Variants in UPF2 observed in about 807,000 individuals in gnomAD.
The protein encoded by UPF2 is UPF2 regulator of nonsense mediated mRNA decay, also known as regulator of nonsense transcripts 2.
A neutral mutation model predicts 141.4 loss-of-function variants in UPF2; 17 were observed. The ratio of observed to expected loss-of-function variants is 0.12; its 90% CI spans 0.08 to 0.18. The LOEUF is 0.18. Among genes scored for constraint, UPF2 ranks in the 10% least tolerant of loss-of-function variants. The pLI is 1.00. For synonymous variants in UPF2, 540 were observed against 498.0 expected (o/e 1.08, Z -1.12); for missense variants, 1,152 against 1,515.9 (o/e 0.76, Z 3.99).
chr10:11,984,104 G>A (rs1272830672), intron 8 of UPF2, among the ~76,000 whole-genome samples: 2 of 152,004 alleles, frequency 1.3e-5, no homozygotes, highest in Non-Finnish European at 2.9e-5. Flanking sequence ...TGTATTTTTA[G>A]TAGAGACGGG....
Position 11,938,842 on chromosome 10 carries a change from G to GTTTT in UPF2, c.3379-2134_3379-2131dup, listed in dbSNP as rs1204744093. Among the ~76,000 whole-genome samples, 95 of 45,846 alleles carry GTTTT rather than the reference G, an allele frequency of 2.1e-3. 3 individuals carry two copies. Among genetic ancestry groups the GTTTT allele is most frequent in the African/African-American group, 3.9e-3 (56 of 14,226 alleles). The allele number at this position is 45,846 out of a possible 152,430, so 30.1% of individuals were successfully genotyped here. A position where few individuals can be genotyped will look rare whatever the true frequency, so the allele number is the denominator to read the frequency against. Reference sequence around the variant, plus strand: ...GTCCTAGCCATGTGGTCTTAAGCAAGTTTTTTTTTTGTTTTTTTTTTTTTT... The same window carrying GTTTT: ...GTCCTAGCCATGTGGTCTTAAGCAAGTTTTTTTTTTTTTTGTTTTTTTTTTTTTT... On this transcript the variant is annotated intron_variant, in intron 18 of 21. Transcript: ENST00000357604.
At chr10:11,955,788 T>C (rs1006560885) in intron 13 of UPF2, among the ~76,000 whole-genome samples, 3 of 152,206 alleles carry the variant, frequency 2.0e-5, no homozygotes, top group Non-Finnish European at 2.9e-5. Flanking sequence ...ATTCTACCCT[T>C]AACCTATTTT....
chr10:12,026,655 T>C (rs1834425186), intron 3 of UPF2: 1 of 453,018 alleles, frequency 2.2e-6, no homozygotes, highest in African/African-American at 2.0e-5. Flanking sequence ...ACTTTTTTTT[T>C]TTTTTTTTTT....
chr10:11,942,961 A>T, intron 17 of UPF2, 103 bp downstream of exon 17: 1 of 993,886 alleles, frequency 1.0e-6, no homozygotes. Flanking sequence ...CTAAAGAAAT[A>T]TTTTTCATAA....
intron 12 of UPF2, among the ~76,000 whole-genome samples, chr10:11,957,047 C>T (rs1285766673): frequency 6.6e-6 from 1 of 152,160 alleles, no homozygotes; most frequent in Admixed American, 6.5e-5. Context: ...CCTCCAACGC[C>T]GACGTCAAGT....
intron 2 of UPF2, among the ~76,000 whole-genome samples, chr10:12,034,318 T>C (rs1450698243): frequency 6.6e-6 from 1 of 151,450 alleles, no homozygotes; most frequent in Non-Finnish European, 1.5e-5. Context: ...GTTTTTATTT[T>C]ATTATTTTAT....
chr10:11,954,643 A>AATATATATATAT (rs1554775869), intron 14 of UPF2, among the ~76,000 whole-genome samples: 1 of 128,344 alleles, frequency 7.8e-6, no homozygotes, highest in Non-Finnish European at 1.7e-5. Context: ...CAAAAAAAAA[A>AATATATATATAT]ATATATATAT....
Position 11,959,310 on chromosome 10 carries a change from T to C in UPF2, c.2231A>G (p.Tyr744Cys). 6.3e-7 allele frequency: 1 copy of C among 1,597,354 alleles called. No individual in the cohort carries two copies. ...KKQAMHLDAR[Y>C]VTMVENAYYY... The stretch of plus-strand genomic sequence containing the variant: ...ATATGCATTCTCTACCATTGTGACG[T>C]ATCTCGCATCAAGATGCATTGCTTG... Residue 744 changes from tyrosine to cysteine, a missense_variant, in exon 12 of 22, where the codon TAC (tyrosine) becomes TGC (cysteine). By Grantham distance (194) the Tyr-to-Cys change is radical. Around this residue, in one of 4 missense-constraint regions of UPF2, gnomAD observed 739 missense variants for 1,032.2 expected, o/e 0.72. Coordinates refer to ENST00000357604, the MANE Select transcript of UPF2 (RefSeq NM_015542.4). This position sits in a 1 kb window ranked among gnomAD's most constrained non-coding sequence, Gnocchi z 5.9.
chr10:11,985,404 G>C (rs141250484), intron 8 of UPF2, among the ~76,000 whole-genome samples: 2,777 of 152,230 alleles, frequency 0.018, 40 homozygotes, highest in Non-Finnish European at 0.03. Flanking sequence ...TTGGGAGGCA[G>C]AGGCTGGCGG....
At position 11,989,729 on chromosome 10, in the gene UPF2, C is replaced by T. The variant is rs146216856; in HGVS notation, c.1844+7943G>A. Among the ~76,000 whole-genome samples the T allele has an allele frequency of 1.5e-3, 234 of 152,282 alleles. 1 individual carries two copies. The highest frequency in any genetic ancestry group is 5.2e-3 in the African/African-American group (216 of 41,560). On this transcript the variant is annotated intron_variant, in intron 8 of 21. Transcript: ENST00000357604. ...GTTGTCCTAGACAATGAGCTAAGAA[C>T]AAAAATGACTTGGCACTTCTTGTCC...
At chr10:11,922,896 T>C (rs1832663589) in intron 21 of UPF2, among the ~76,000 whole-genome samples, 3 of 152,110 alleles carry the variant, frequency 2.0e-5, no homozygotes, top group Middle Eastern at 3.4e-3. Flanking sequence ...AAATTAGCCA[T>C]TTGTAGTGGT....
intron 13 of UPF2, among the ~76,000 whole-genome samples, chr10:11,955,737 G>A (rs545912758): frequency 8.5e-5 from 13 of 152,232 alleles, no homozygotes; most frequent in African/African-American, 3.1e-4. Flanking sequence ...ATTAAATTTA[G>A]CTATCATTAC....
At chr10:11,993,786 C>G (rs75027720) in intron 8 of UPF2, among the ~76,000 whole-genome samples, 4,632 of 150,740 alleles carry the variant, frequency 0.031, 224 homozygotes, top group African/African-American at 0.1. Flanking sequence ...CTAGCCTGGT[C>G]AATATAACAA....
rs1418331561 is a variant in UPF2, at chr10:11,959,731, C to A, written c.2185-375G>T. Among the ~76,000 whole-genome samples, 4 of 152,008 alleles carry A rather than the reference C, an allele frequency of 2.6e-5. No individual in the cohort carries two copies. The East Asian group carries it at 7.7e-4, about 29-fold the overall frequency. ...GCCATGACTGGCACTGCACTCCAGC[C>A]TGGGCAACAGCAAGACCCTGTCTCT... On this transcript the variant is annotated intron_variant, in intron 11 of 21. Coordinates refer to ENST00000357604, the MANE Select transcript of UPF2 (RefSeq NM_015542.4). This position sits in a 1 kb window ranked among gnomAD's most constrained non-coding sequence, Gnocchi z 5.9.
intron 9 of UPF2, among the ~76,000 whole-genome samples, chr10:11,971,880 A>G (rs1224999215): frequency 6.6e-6 from 1 of 152,068 alleles, no homozygotes; most frequent in East Asian, 1.9e-4. Context: ...CCTGGCCAAC[A>G]TGGTAAAACC....
At chr10:11,941,463 T>C (rs1832935077) in intron 18 of UPF2, among the ~76,000 whole-genome samples, 1 of 152,192 alleles carries the variant, frequency 6.6e-6, no homozygotes. Flanking sequence ...TACTTGATCA[T>C]ACCTTTGGCT....
rs189328923 is a variant in UPF2 at position 11,956,568 on chromosome 10, G to A, written c.2371-45C>T. On this transcript the variant is annotated intron_variant, in intron 12 of 21. Coordinates refer to ENST00000357604, the MANE Select transcript of UPF2 (RefSeq NM_015542.4). This position sits in a 1 kb window ranked among gnomAD's most constrained non-coding sequence, Gnocchi z 4.2. ...TTCAAATTATTAAGATAAGTACACA[G>A]TAGCCTGACCAAATAATACAGAAAT... 24 of 1,564,130 alleles carry A rather than the reference G, an allele frequency of 1.5e-5. No individual in the cohort carries two copies. In the East Asian group the frequency reaches 5.2e-4, roughly 34 times the overall value.
Position 11,935,722 on chromosome 10 carries a change from G to A in UPF2, c.3546+823C>T, listed in dbSNP as rs2131159050. Among the ~76,000 whole-genome samples, 1 of 152,282 alleles carries A rather than the reference G, an allele frequency of 6.6e-6. No homozygotes were observed. The highest frequency in any genetic ancestry group is 1.9e-4 in the East Asian group (1 of 5,186). ...CTCAGTAGGAGATAAGTTCCACAAG[G>A]GCAGGAACATTGTTCTGTTTATCAC... On this transcript the variant is annotated intron_variant, in intron 19 of 21. Coordinates refer to ENST00000357604, the MANE Select transcript of UPF2 (RefSeq NM_015542.4). The surrounding 1 kb of genome is among the most constrained non-coding windows in gnomAD (Gnocchi z 4.9).
chr10:11,922,893 C>A (rs776550470), intron 21 of UPF2, among the ~76,000 whole-genome samples: 9 of 151,974 alleles, frequency 5.9e-5, no homozygotes, highest in Non-Finnish European at 1.0e-4. Flanking sequence ...AAAAAATTAG[C>A]CATTTGTAGT....
Sources: gnomAD v4.1 joint callset for allele counts (sites outside exome capture counted in the v4.1 genomes callset) on GRCh38, gnomAD v4.1.1 for gene constraint, gnomAD v4.1.1 regional missense constraint, Gnocchi (gnomAD v3.1) non-coding constraint, MANE v1.5 for transcripts, NCBI Gene and HGNC (gene_info 2026-07-23, HGNC 2026-07-21) for gene names.